Variants in DPP10 observed in about 807,000 individuals in gnomAD.
DPP10 encodes inactive dipeptidyl peptidase 10.
Under a neutral mutation model 120.9 loss-of-function variants are expected in DPP10, and 33 were observed. The observed-to-expected ratio is 0.27, with a 90% CI of 0.21 to 0.37. DPP10 has a LOEUF of 0.37. Among genes scored for constraint, DPP10 ranks in the 10% least tolerant of loss-of-function variants. DPP10 has a pLI of 1.00. For missense variants in DPP10, 816 were observed against 942.8 expected, an observed-to-expected ratio of 0.87 and a Z score of 1.76; for synonymous variants, 337 against 326.1, an observed-to-expected ratio of 1.03 and a Z score of -0.36.
intron 1 of DPP10, among the ~76,000 whole-genome samples, chr2:114,971,061 T>C (rs921137322): frequency 1.3e-5 from 2 of 152,188 alleles, no homozygotes; most frequent in African/African-American, 2.4e-5. Context: ...CTCAGCTCAA[T>C]ACATACCCGA....
intron 3 of DPP10, among the ~76,000 whole-genome samples, chr2:115,392,957 G>A (rs1436506523): frequency 6.6e-6 from 1 of 151,962 alleles, no homozygotes; most frequent in Non-Finnish European, 1.5e-5. Flanking sequence ...TTATTGTTAT[G>A]ATTTGCATAT....
intron 1 of DPP10, among the ~76,000 whole-genome samples, chr2:114,969,707 G>A (rs533349616): frequency 1.8e-4 from 27 of 152,036 alleles, no homozygotes; most frequent in Non-Finnish European, 3.2e-4. Flanking sequence ...ATGATATGTG[G>A]TTCTTCCAGG....
chr2:115,513,240 C>A (rs1486386966), intron 4 of DPP10, among the ~76,000 whole-genome samples: 2 of 151,664 alleles, frequency 1.3e-5, no homozygotes, highest in Non-Finnish European at 2.9e-5. Flanking sequence ...ATACCTTTTT[C>A]ACCTTTTTAT....
chr2:115,684,260 G>A (rs2090844128), intron 5 of DPP10, among the ~76,000 whole-genome samples: 2 of 151,828 alleles, frequency 1.3e-5, no homozygotes. Flanking sequence ...TTATCATTGT[G>A]TGAATCATAT....
intron 1 of DPP10, among the ~76,000 whole-genome samples, chr2:114,676,918 C>T (rs1469644791): frequency 6.6e-6 from 1 of 152,022 alleles, no homozygotes; most frequent in African/African-American, 2.4e-5. Flanking sequence ...CTTTTATGGA[C>T]AGAGCACTTT....
intron 7 of DPP10, 38 bp from the exon 8 acceptor site, chr2:115,727,778 T>C: frequency 6.4e-7 from 1 of 1,560,882 alleles, no homozygotes; most frequent in Non-Finnish European, 8.6e-7. Flanking sequence ...CATCCTAACG[T>C]GTTGGATTTT....
chr2:114,585,078 G>C (rs1216516485), intron 1 of DPP10, among the ~76,000 whole-genome samples: 1 of 152,180 alleles, frequency 6.6e-6, no homozygotes, highest in Non-Finnish European at 1.5e-5. Context: ...TTAGTTCATA[G>C]TGCCGCAGGT....
At chr2:115,481,152 C>A (rs2075401764) in intron 3 of DPP10, among the ~76,000 whole-genome samples, 2 of 152,102 alleles carry the variant, frequency 1.3e-5, no homozygotes, top group South Asian at 4.1e-4. Context: ...TAAACAACTG[C>A]ATGCTTCACA....
chr2:115,493,630 G>T (rs1325755708), intron 3 of DPP10, among the ~76,000 whole-genome samples: 1 of 151,312 alleles, frequency 6.6e-6, no homozygotes, highest in East Asian at 1.9e-4. Flanking sequence ...CAAGATAGTG[G>T]TTCAAAGTCA....
chr2:114,794,246 C>G (rs1683494037), intron 1 of DPP10, among the ~76,000 whole-genome samples: 1 of 152,154 alleles, frequency 6.6e-6, no homozygotes, highest in African/African-American at 2.4e-5. Flanking sequence ...GAGCCTCCAG[C>G]AAACCATACA....
chr2:114,971,187 T>A (rs1699368939), intron 1 of DPP10, among the ~76,000 whole-genome samples: 1 of 152,174 alleles, frequency 6.6e-6, no homozygotes, highest in South Asian at 2.1e-4. Flanking sequence ...GACAAGCAAT[T>A]TGAGAGATAA....
At chr2:115,087,533 C>CTTTTTTTTTTTTTTTTT (rs1310507943) in intron 1 of DPP10, among the ~76,000 whole-genome samples, 2 of 92,616 alleles carry the variant, frequency 2.2e-5, no homozygotes, top group East Asian at 2.8e-4. Flanking sequence ...CTTTTCTTTT[C>CTTTTTTTTTTTTTTTTT]TTTTCTTTTT....
chr2:114,900,962 T>C (rs1003900599), intron 1 of DPP10, among the ~76,000 whole-genome samples: 4 of 152,186 alleles, frequency 2.6e-5, no homozygotes, highest in Non-Finnish European at 5.9e-5. Context: ...TATTAAAACA[T>C]GCCTAAACAG....
chr2:114,706,747 C>A (rs771057841), intron 1 of DPP10, among the ~76,000 whole-genome samples: 2 of 152,140 alleles, frequency 1.3e-5, no homozygotes, highest in Admixed American at 6.5e-5. Flanking sequence ...ATCCACTGTT[C>A]AACCCACTAC....
intron 3 of DPP10, among the ~76,000 whole-genome samples, chr2:115,489,531 G>T (rs1405930015): frequency 1.3e-5 from 2 of 151,312 alleles, no homozygotes; most frequent in Admixed American, 6.6e-5. Flanking sequence ...TCCCTTTGTG[G>T]CTAATTAAAA....
intron 1 of DPP10, among the ~76,000 whole-genome samples, chr2:115,174,643 G>A (rs771509565): frequency 2.0e-5 from 3 of 152,098 alleles, no homozygotes; most frequent in Non-Finnish European, 2.9e-5. Flanking sequence ...ATTAGATAGT[G>A]CCCCAGTTTG....
At chr2:115,481,816 A>G (rs2075448254) in intron 3 of DPP10, among the ~76,000 whole-genome samples, 1 of 152,098 alleles carries the variant, frequency 6.6e-6, no homozygotes, top group African/African-American at 2.4e-5. Context: ...TTATATGAAC[A>G]TATCACCTGC....
intron 1 of DPP10, among the ~76,000 whole-genome samples, chr2:114,721,336 G>A (rs771773956): frequency 5.3e-5 from 8 of 152,216 alleles, no homozygotes; most frequent in East Asian, 1.9e-4. Context: ...AAAGTTGACC[G>A]CTTCCAAAAG....
chr2:114,754,815 A>G (rs556892483), intron 1 of DPP10, among the ~76,000 whole-genome samples: 2 of 152,354 alleles, frequency 1.3e-5, no homozygotes, highest in South Asian at 4.1e-4. Flanking sequence ...TATGCTATAG[A>G]TAAGCACCAA....
Sources: gnomAD v4.1 joint callset for allele counts (sites outside exome capture counted in the v4.1 genomes callset) on GRCh38, gnomAD v4.1.1 for gene constraint, MANE v1.5 for transcripts, NCBI Gene and HGNC (gene_info 2026-07-23, HGNC 2026-07-21) for gene names.